KLRG1: variants seen among roughly 807,000 people sequenced by gnomAD.
KLRG1 encodes killer cell lectin like receptor G1.
A neutral mutation model predicts 21.8 loss-of-function variants in KLRG1; 16 were observed. The ratio of observed to expected loss-of-function variants is 0.73; its 90% CI spans 0.50 to 1.11. The LOEUF (loss-of-function observed/expected upper bound fraction) is 1.11, where lower values mean the gene tolerates loss of function less well. KLRG1 is among the 50% of genes most tolerant of loss of function. The pLI, the probability that KLRG1 is intolerant of heterozygous loss-of-function variation, is 0.00. For synonymous variants in KLRG1, 69 were observed against 75.9 expected, an observed-to-expected ratio of 0.91 and a Z score of 0.47; for missense variants, 173 against 218.3, an observed-to-expected ratio of 0.79 and a Z score of 1.31.
At chr12:9,052,840 A>G in the KLRG1 span, 6 of 455,580 alleles carry the variant, frequency 1.3e-5, no homozygotes, top group African/African-American at 2.0e-5. Context: ...AAAATTACCT[A>G]ATACCAGAAA....
chr12:8,971,327 T>C (rs1946563528), intron 1 of KLRG1: 2 of 152,138 alleles, frequency 1.3e-5, no homozygotes, highest in African/African-American at 4.8e-5. Context: ...TTTTTTTCCA[T>C]AAATAATTTG....
chr12:9,145,400 G>A, the KLRG1 span, among the ~76,000 whole-genome samples: 1 of 152,062 alleles, frequency 6.6e-6, no homozygotes, highest in Admixed American at 6.5e-5. Flanking sequence ...ATAGCAGTCT[G>A]TTTTAAGCTG....
intron 1 of KLRG1, among the ~76,000 whole-genome samples, chr12:8,954,973 A>G (rs955423041): frequency 9.2e-5 from 14 of 151,768 alleles, no homozygotes; most frequent in African/African-American, 2.9e-4. Context: ...CTGGAGTGCA[A>G]TGGTGCGATC....
the KLRG1 span, among the ~76,000 whole-genome samples, chr12:9,208,631 C>T: frequency 2.0e-5 from 3 of 152,112 alleles, no homozygotes; most frequent in South Asian, 6.2e-4. Flanking sequence ...TGATAAGGAA[C>T]CTTCAACCTA....
intron 1 of KLRG1, among the ~76,000 whole-genome samples, chr12:8,978,988 T>A (rs1946710325): frequency 1.3e-5 from 2 of 151,412 alleles, no homozygotes; most frequent in Admixed American, 6.6e-5. Flanking sequence ...GTGCTGGAAT[T>A]ACAGGTGTGA....
At chr12:9,068,293 T>C in the KLRG1 span, 4 of 1,518,790 alleles carry the variant, frequency 2.6e-6, no homozygotes, top group Admixed American at 3.6e-5. Flanking sequence ...CAAACATCTG[T>C]GGGATACAGG....
At chr12:9,213,741 C>T in the KLRG1 span, among the ~76,000 whole-genome samples, 1 of 151,940 alleles carries the variant, frequency 6.6e-6, no homozygotes, top group Non-Finnish European at 1.5e-5. Flanking sequence ...TGATCTTTAT[C>T]AGATATATAA....
chr12:9,133,392 A>G, the KLRG1 span, among the ~76,000 whole-genome samples: 1 of 152,216 alleles, frequency 6.6e-6, no homozygotes, highest in African/African-American at 2.4e-5. Flanking sequence ...TTTGTATCAG[A>G]TACTGTTCTG....
intron 1 of KLRG1, among the ~76,000 whole-genome samples, chr12:8,955,324 A>G (rs1465911773): frequency 6.8e-6 from 1 of 146,062 alleles, no homozygotes; most frequent in Non-Finnish European, 1.5e-5. Flanking sequence ...AAATTTCCTC[A>G]TGCTCCTATC....
At chr12:9,185,955 G>C in the KLRG1 span, among the ~76,000 whole-genome samples, 1 of 151,682 alleles carries the variant, frequency 6.6e-6, no homozygotes, top group Non-Finnish European at 1.5e-5. Context: ...CTACAGGCGT[G>C]CACCATCACA....
chr12:9,166,021 C>T, the KLRG1 span: 17 of 1,579,014 alleles, frequency 1.1e-5, no homozygotes, highest in South Asian at 3.5e-5. Context: ...TCCCTCCCCT[C>T]CAGCAAATGG....
At chr12:9,168,296 T>A in the KLRG1 span, among the ~76,000 whole-genome samples, 6 of 152,298 alleles carry the variant, frequency 3.9e-5, no homozygotes, top group South Asian at 1.2e-3. Context: ...AGCAGATGGA[T>A]GTCAGGGATA....
the KLRG1 span, chr12:9,157,198 A>C: frequency 6.2e-7 from 1 of 1,613,788 alleles, no homozygotes; most frequent in Non-Finnish European, 8.5e-7. Flanking sequence ...TTCCTTATCA[A>C]GTGAGTTCAG....
chr12:9,140,936 T>C, the KLRG1 span, among the ~76,000 whole-genome samples: 1 of 152,210 alleles, frequency 6.6e-6, no homozygotes, highest in Admixed American at 6.5e-5. Flanking sequence ...TCATGTTCTG[T>C]TACAAAATAA....
upstream of KLRG1, among the ~76,000 whole-genome samples, chr12:8,985,361 A>C (rs1032892815): frequency 2.4e-4 from 37 of 152,226 alleles, no homozygotes; most frequent in Non-Finnish European, 2.5e-4. Flanking sequence ...ACACAGAAGA[A>C]GACTTGTGTG....
the KLRG1 span, among the ~76,000 whole-genome samples, chr12:9,133,049 G>A: frequency 6.6e-6 from 1 of 152,078 alleles, no homozygotes; most frequent in African/African-American, 2.4e-5. Flanking sequence ...TATGAAAAAG[G>A]TGTGGGTTTT....
At chr12:9,112,175 T>A in the KLRG1 span, 3 of 1,613,646 alleles carry the variant, frequency 1.9e-6, no homozygotes, top group South Asian at 1.1e-5. Flanking sequence ...ATTCAGGGGG[T>A]GAAAGTTTTC....
the KLRG1 span, among the ~76,000 whole-genome samples, chr12:9,103,366 C>T: frequency 3.3e-5 from 5 of 152,240 alleles, no homozygotes; most frequent in Middle Eastern, 3.4e-3. Context: ...TTTTTAACCA[C>T]TTTATCTGAT....
the KLRG1 span, among the ~76,000 whole-genome samples, chr12:9,047,380 A>G: frequency 6.6e-6 from 1 of 152,226 alleles, no homozygotes; most frequent in East Asian, 1.9e-4. Context: ...TTGTAAATGT[A>G]TATTGCAAAC....
Sources: gnomAD v4.1 joint callset for allele counts (sites outside exome capture counted in the v4.1 genomes callset) on GRCh38, gnomAD v4.1.1 for gene constraint, MANE v1.5 for transcripts, NCBI Gene and HGNC (gene_info 2026-07-23, HGNC 2026-07-21) for gene names.